NTN1: variants seen among roughly 807,000 people sequenced by gnomAD.
NTN1 encodes the protein netrin-1.
In NTN1, 11 loss-of-function variants were observed where a neutral mutation model predicts 54.2. The observed-to-expected ratio is 0.20, with a 90% confidence interval of 0.13 to 0.34. The LOEUF is 0.34. Ranked by LOEUF, NTN1 falls within the 10% of genes least tolerant of loss-of-function variation. The pLI, the probability that NTN1 is intolerant of heterozygous loss-of-function variation, is 1.00. For missense variants in NTN1, 740 were observed against 893.1 expected (o/e 0.83, Z 2.18); for synonymous variants, 371 against 382.0 (o/e 0.97, Z 0.33).
At chr17:9,009,828 T>C in the NTN1 span, among the ~76,000 whole-genome samples, 1 of 152,224 alleles carries the variant, frequency 6.6e-6, no homozygotes, top group African/African-American at 2.4e-5. Context: ...AGGTGTTCCC[T>C]AGGTGTGGCT....
intron 3 of NTN1, among the ~76,000 whole-genome samples, chr17:9,172,477 T>G (rs1049908289): frequency 8.7e-5 from 13 of 150,270 alleles, no homozygotes; most frequent in African/African-American, 2.9e-4. Context: ...AGACTCCGTC[T>G]CAAAAAAAGA....
At chr17:9,047,698 T>C (rs1232213464) in intron 2 of NTN1, among the ~76,000 whole-genome samples, 1 of 104,910 alleles carries the variant, frequency 9.5e-6, no homozygotes, top group African/African-American at 3.3e-5. Flanking sequence ...ACGAATTTTC[T>C]TTTTTTTTTT....
rs562640891 is a variant in NTN1, at chr17:9,077,478, G to A, written c.1018+54087G>A. Among the ~76,000 whole-genome samples the A allele has an allele frequency of 3.5e-4, 54 of 152,290 alleles. 1 individual carries two copies. The highest frequency in any genetic ancestry group is 2.1e-3 in the Admixed American group (32 of 15,292). ...TTTAGCACTCTGAACCATTCATGTC[G>A]CTTTTCTGAGCCTCAGTATCCTCAC... On this transcript the variant is annotated intron_variant, in intron 2 of 6. Coordinates refer to ENST00000173229, the MANE Select transcript of NTN1 (RefSeq NM_004822.3).
chr17:9,117,389 C>T (rs1159186058), intron 2 of NTN1, among the ~76,000 whole-genome samples: 1 of 152,158 alleles, frequency 6.6e-6, no homozygotes, highest in Non-Finnish European at 1.5e-5. Context: ...TCCTCAGAAG[C>T]ATGAGGACAG....
At chr17:9,041,625 A>G (rs1025579988) in intron 2 of NTN1, among the ~76,000 whole-genome samples, 2 of 152,220 alleles carry the variant, frequency 1.3e-5, no homozygotes, top group African/African-American at 4.8e-5. Context: ...CTTATGAATA[A>G]TGCTGCTATG....
intron 5 of NTN1, among the ~76,000 whole-genome samples, chr17:9,185,518 G>A (rs186288997): frequency 1.3e-5 from 2 of 152,326 alleles, no homozygotes; most frequent in Admixed American, 6.5e-5. Context: ...CTCAGGGAAT[G>A]TTCTTTACCT....
intron 2 of NTN1, among the ~76,000 whole-genome samples, chr17:9,038,980 G>A (rs1411890919): frequency 6.6e-6 from 1 of 152,082 alleles, no homozygotes; most frequent in Non-Finnish European, 1.5e-5. Flanking sequence ...CAAATATTTA[G>A]CCAGTTATTC....
chr17:9,067,925 T>C (rs577349347), intron 2 of NTN1, among the ~76,000 whole-genome samples: 68 of 152,250 alleles, frequency 4.5e-4, no homozygotes, highest in African/African-American at 1.6e-3. Flanking sequence ...TCAGATTGTA[T>C]TGAAGATATC....
chr17:9,231,168 G>C (rs1305254602), intron 6 of NTN1, among the ~76,000 whole-genome samples: 1 of 152,164 alleles, frequency 6.6e-6, no homozygotes, highest in Non-Finnish European at 1.5e-5. Context: ...CTTTGGCACT[G>C]AGGACCTCAG....
In NTN1 at chr17:9,243,856, A is replaced by AAGTTGTGGATTTTCTTTC. The variant is rs1906316431; in HGVS notation, c.*3889_*3906dup. Reference sequence around the variant, plus strand: ...ATGAATATATTTAATGACATGGAAAAAGTTGTGGATTTTCTTTCTTTCCTT... The same window carrying AAGTTGTGGATTTTCTTTC: ...ATGAATATATTTAATGACATGGAAAAAGTTGTGGATTTTCTTTCAGTTGTGGATTTTCTTTCTTTCCTT... On this transcript the variant is annotated 3_prime_UTR_variant, in exon 7 of 7. Transcript: ENST00000173229. 1 of 134,862 alleles carries AAGTTGTGGATTTTCTTTC rather than the reference A, an allele frequency of 7.4e-6. No individual in the cohort carries two copies. The highest frequency in any genetic ancestry group is 1.6e-5 in the Non-Finnish European group (1 of 64,072). The allele number at this position is 134,862 out of a possible 1,614,324, so 8.4% of individuals were successfully genotyped here. A position where few individuals can be genotyped will look rare whatever the true frequency, so the allele number is the denominator to read the frequency against.
At chr17:9,235,738 CTTTTTTTTT>C (rs113894662) in intron 6 of NTN1, among the ~76,000 whole-genome samples, 9 of 55,304 alleles carry the variant, frequency 1.6e-4, no homozygotes, top group South Asian at 9.7e-4. Flanking sequence ...CTTCTTTCTT[CTTTTTTTTT>C]TTCTTTTTTT....
rs554498924 is a variant in NTN1 at position 9,235,896 on chromosome 17, C to T, written c.1487-3744C>T. Reference sequence around the variant, plus strand: ...CCTCCCGAGTAGCTGGGACTACAGGCGTCCACTGCCACGCCCAGCTAATTT... The same window carrying T: ...CCTCCCGAGTAGCTGGGACTACAGGTGTCCACTGCCACGCCCAGCTAATTT... On this transcript the variant is annotated intron_variant, in intron 6 of 6. Coordinates refer to ENST00000173229, the MANE Select transcript of NTN1 (RefSeq NM_004822.3). Among the ~76,000 whole-genome samples the T allele has an allele frequency of 2.0e-4, 30 of 152,058 alleles. No homozygotes were observed. In the East Asian group the frequency reaches 5.6e-3, roughly 29 times the overall value.
upstream of NTN1, among the ~76,000 whole-genome samples, chr17:9,016,654 C>T (rs569985438): frequency 6.6e-6 from 1 of 152,282 alleles, no homozygotes; most frequent in South Asian, 2.1e-4. Context: ...ACAGCTCTAG[C>T]CCCTGGCCTC....
At chr17:9,187,359 G>T (rs2092436456) in intron 5 of NTN1, among the ~76,000 whole-genome samples, 1 of 152,094 alleles carries the variant, frequency 6.6e-6, no homozygotes, top group African/African-American at 2.4e-5. Context: ...TCATGGTAGA[G>T]CCTGAACCAA....
intron 2 of NTN1, among the ~76,000 whole-genome samples, chr17:9,112,139 A>G (rs61377510): frequency 0.13 from 20,134 of 152,278 alleles, 1,479 homozygotes; most frequent in African/African-American, 0.18. Context: ...CCCCACTGCT[A>G]TGAAGCTGCG....
chr17:9,034,453 T>G (rs935621070), intron 2 of NTN1, among the ~76,000 whole-genome samples: 12 of 149,046 alleles, frequency 8.1e-5, no homozygotes, highest in African/African-American at 2.7e-4. Flanking sequence ...GATAGAGTCT[T>G]GCTCTGTCAC....
At chr17:9,150,868 G>T (rs1212432382) in intron 2 of NTN1, among the ~76,000 whole-genome samples, 1 of 152,176 alleles carries the variant, frequency 6.6e-6, no homozygotes, top group Admixed American at 6.5e-5. Flanking sequence ...ACTGGGGAGG[G>T]GCCGGGTGCC....
At chr17:9,030,867 C>G (rs946964965) in intron 2 of NTN1, among the ~76,000 whole-genome samples, 9 of 152,150 alleles carry the variant, frequency 5.9e-5, no homozygotes, top group Non-Finnish European at 1.3e-4. Flanking sequence ...GAAAGTAACA[C>G]TCCAGTTCAC....
chr17:9,022,918 G>A lies in NTN1; in HGVS notation c.545G>A (p.Arg182His). The A allele has an allele frequency of 6.2e-7, 1 of 1,611,938 alleles. No individual in the cohort carries two copies. The highest frequency in any genetic ancestry group is 8.5e-7 in the Non-Finnish European group (1 of 1,179,824). The stretch of plus-strand genomic sequence containing the variant: ...TTCCAGTTCTACTCCACGCAGTGCC[G>A]CAAGATGTACAACCGGCCGCACCGC... ...VPFQFYSTQC[R>H]KMYNRPHRAP... is the part of the protein sequence containing the mutation. Residue 182 changes from arginine to histidine, a missense_variant, in exon 2 of 7, where the codon CGC becomes CAC. Transcript: ENST00000173229.
Sources: gnomAD v4.1 joint callset for allele counts (sites outside exome capture counted in the v4.1 genomes callset) on GRCh38, gnomAD v4.1.1 for gene constraint, MANE v1.5 for transcripts, NCBI Gene and HGNC (gene_info 2026-07-23, HGNC 2026-07-21) for gene names.